SLC1A2: variants seen among roughly 807,000 people sequenced by gnomAD.
SLC1A2 encodes excitatory amino acid transporter 2.
Under a neutral mutation model 48.8 loss-of-function variants are expected in SLC1A2, and 15 were observed. The ratio of observed to expected loss-of-function variants is 0.31; its 90% confidence interval spans 0.21 to 0.47. The LOEUF is 0.47. Among genes scored for constraint, SLC1A2 ranks in the 20% least tolerant of loss-of-function variants. SLC1A2 has a pLI of 0.99. For synonymous variants in SLC1A2, 279 were observed against 272.6 expected, an observed-to-expected ratio of 1.02 and a Z score of -0.23; for missense variants, 502 against 730.5, an observed-to-expected ratio of 0.69 and a Z score of 3.61.
intron 1 of SLC1A2, among the ~76,000 whole-genome samples, chr11:35,325,721 G>A (rs774227310): frequency 2.6e-5 from 4 of 152,124 alleles, no homozygotes; most frequent in Non-Finnish European, 5.9e-5. Context: ...CCAGCACTTT[G>A]GGAGGCTGAG....
At chr11:35,302,564 T>C (rs1311277411) in intron 5 of SLC1A2, among the ~76,000 whole-genome samples, 1 of 152,142 alleles carries the variant, frequency 6.6e-6, no homozygotes. Flanking sequence ...GCACTAGGTC[T>C]TGGACCAACT....
At chr11:35,386,149 G>A (rs1016184555) in intron 1 of SLC1A2, among the ~76,000 whole-genome samples, 2 of 152,080 alleles carry the variant, frequency 1.3e-5, no homozygotes, top group African/African-American at 4.8e-5. Flanking sequence ...CTGGGCGACA[G>A]AGCAAGACTC....
chr11:35,336,906 T>C (rs1002206783), intron 1 of SLC1A2, among the ~76,000 whole-genome samples: 2 of 152,102 alleles, frequency 1.3e-5, no homozygotes, highest in African/African-American at 4.8e-5. Flanking sequence ...GTAAACCAAA[T>C]CCCAAATTTT....
chr11:35,315,194 C>G lies in SLC1A2; in HGVS notation c.158-19G>C. 6.2e-7 allele frequency: 1 copy of G among 1,607,876 alleles called. No homozygotes were observed. Among genetic ancestry groups the G allele is most frequent in the Non-Finnish European group, 8.5e-7 (1 of 1,175,372 alleles). On this transcript the variant is annotated intron_variant, in intron 2 of 10. Transcript: ENST00000278379. ...ATGACACCTAAAAGGAAGGGGAAAA[C>G]AATATGAATTTATTTTTTGCCTTCG...
chr11:35,348,435 TACTC>T (rs1183049999), intron 1 of SLC1A2, among the ~76,000 whole-genome samples: 1 of 96,720 alleles, frequency 1.0e-5, no homozygotes, highest in Non-Finnish European at 2.4e-5. Context: ...ATGTAGCAGA[TACTC>T]AATAAATGAA....
At chr11:35,378,384 C>G (rs1219462692) in intron 1 of SLC1A2, among the ~76,000 whole-genome samples, 2 of 152,222 alleles carry the variant, frequency 1.3e-5, no homozygotes, top group Non-Finnish European at 1.5e-5. Flanking sequence ...TAGTAGACAT[C>G]GTTCATCAAA....
intron 9 of SLC1A2, among the ~76,000 whole-genome samples, chr11:35,272,867 G>A (rs977204687): frequency 6.6e-6 from 1 of 152,084 alleles, no homozygotes; most frequent in African/African-American, 2.4e-5. Context: ...ATGAGAGAGG[G>A]GCTTGACCGA....
At chr11:35,355,967 T>C (rs927352) in intron 1 of SLC1A2, among the ~76,000 whole-genome samples, 117,776 of 151,892 alleles carry the variant, frequency 0.78, 46,406 homozygotes, top group East Asian at 0.92. Context: ...TTTTCTCATA[T>C]GTAAGGCACA....
At chr11:35,394,682 C>A (rs1182681802) in intron 1 of SLC1A2, among the ~76,000 whole-genome samples, 1 of 152,176 alleles carries the variant, frequency 6.6e-6, no homozygotes, top group Admixed American at 6.5e-5. Context: ...GTAAGCAAAC[C>A]TGTAGGTCTG....
chr11:35,346,364 C>T (rs926000261), intron 1 of SLC1A2, among the ~76,000 whole-genome samples: 1 of 152,196 alleles, frequency 6.6e-6, no homozygotes, highest in South Asian at 2.1e-4. Flanking sequence ...CTCTGCAACC[C>T]TTTATGAGCC....
In SLC1A2 at chr11:35,252,945, G is replaced by A. The variant is rs1049193640; in HGVS notation, c.*7949C>T. 6.6e-6 allele frequency: 1 copy of A among 152,554 alleles called. No homozygotes were observed. Among genetic ancestry groups the A allele is most frequent in the African/African-American group, 2.4e-5 (1 of 41,444 alleles). 9.5% of individuals were successfully genotyped at this position (152,554 alleles called of 1,614,324 possible). A position where few individuals can be genotyped will look rare whatever the true frequency, so the allele number is the denominator to read the frequency against. ...AATAGATACAATTATTGCCAGTCGA[G>A]GGTACATCTAATCTGTTTGTTTAAT... On this transcript the variant is annotated 3_prime_UTR_variant, in exon 11 of 11. Transcript: ENST00000278379.
At chr11:35,296,048 A>G (rs920230358) in intron 6 of SLC1A2, among the ~76,000 whole-genome samples, 6 of 152,342 alleles carry the variant, frequency 3.9e-5, no homozygotes, top group Middle Eastern at 3.4e-3. Flanking sequence ...TTTGAAAACC[A>G]GTATTTCAAG....
intron 7 of SLC1A2, among the ~76,000 whole-genome samples, chr11:35,291,222 A>C (rs1850991540): frequency 6.6e-6 from 1 of 152,104 alleles, no homozygotes; most frequent in African/African-American, 2.4e-5. Flanking sequence ...AAAGTAAAAC[A>C]CTAGTCTTAA....
intron 1 of SLC1A2, among the ~76,000 whole-genome samples, chr11:35,386,685 T>C (rs1201146298): frequency 1.3e-5 from 2 of 152,200 alleles, no homozygotes; most frequent in Non-Finnish European, 2.9e-5. Context: ...TTAAAAGCAA[T>C]AGCTAACATA....
intron 7 of SLC1A2, among the ~76,000 whole-genome samples, chr11:35,289,913 C>T (rs1264024868): frequency 1.3e-5 from 2 of 152,114 alleles, no homozygotes; most frequent in Non-Finnish European, 2.9e-5. Flanking sequence ...GAAAATCAAT[C>T]AGGAAGGGAC....
intron 1 of SLC1A2, among the ~76,000 whole-genome samples, chr11:35,396,669 C>T (rs1854969594): frequency 6.6e-6 from 1 of 152,084 alleles, no homozygotes; most frequent in African/African-American, 2.4e-5. Context: ...TGTGCAGAAG[C>T]TCTTTATTTT....
chr11:35,401,451 T>G, intron 1 of SLC1A2, among the ~76,000 whole-genome samples: 1 of 152,178 alleles, frequency 6.6e-6, no homozygotes, highest in East Asian at 1.9e-4. Context: ...AAGGTCTCTT[T>G]TAATGTTAAT....
Position 35,252,845 on chromosome 11 carries a change from T to C in SLC1A2, c.*8049A>G, listed in dbSNP as rs1179749416. The C allele has an allele frequency of 6.5e-6, 1 of 152,688 alleles. No individual in the cohort carries two copies. The highest frequency in any genetic ancestry group is 1.5e-5 in the Non-Finnish European group (1 of 68,050). 9.5% of individuals were successfully genotyped at this position (152,688 alleles called of 1,614,324 possible). On this transcript the variant is annotated 3_prime_UTR_variant, in exon 11 of 11. Coordinates refer to ENST00000278379, the MANE Select transcript of SLC1A2 (RefSeq NM_004171.4). Reference sequence around the variant, plus strand: ...ATAGCTACACAAAGTGCATAGGCACTGTTCTTCATGCGTGAACCAAGTGTC... The same window carrying C: ...ATAGCTACACAAAGTGCATAGGCACCGTTCTTCATGCGTGAACCAAGTGTC...
At chr11:35,378,653 C>T (rs1854319142) in intron 1 of SLC1A2, among the ~76,000 whole-genome samples, 1 of 152,222 alleles carries the variant, frequency 6.6e-6, no homozygotes, top group South Asian at 2.1e-4. Context: ...GTAACTGAAG[C>T]TCTCAATTGG....
Sources: gnomAD v4.1 joint callset for allele counts (sites outside exome capture counted in the v4.1 genomes callset) on GRCh38, gnomAD v4.1.1 for gene constraint, MANE v1.5 for transcripts, NCBI Gene and HGNC (gene_info 2026-07-23, HGNC 2026-07-21) for gene names.